Variants in ZNG1C observed in about 807,000 individuals in gnomAD.
ZNG1C encodes zinc-regulated GTPase metalloprotein activator 1C.
At chr9:68,296,357 G>T in the ZNG1C span, among the ~76,000 whole-genome samples, 1 of 151,874 alleles carries the variant, frequency 6.6e-6, no homozygotes, top group Non-Finnish European at 1.5e-5. Flanking sequence ...GACAAAAATT[G>T]GGTGCAGTGT....
chr9:68,275,993 A>T, the ZNG1C span, among the ~76,000 whole-genome samples: 2 of 151,796 alleles, frequency 1.3e-5, no homozygotes, highest in Non-Finnish European at 2.9e-5. Context: ...AATGATTGCC[A>T]TTCTAACTGG....
chr9:68,266,668 A>T, the ZNG1C span, among the ~76,000 whole-genome samples: 2 of 145,370 alleles, frequency 1.4e-5, no homozygotes, highest in Non-Finnish European at 3.0e-5. Flanking sequence ...GTCTTTACTC[A>T]TAATGTATTC....
At chr9:68,247,474 C>G in the ZNG1C span, 1 of 1,565,130 alleles carries the variant, frequency 6.4e-7, no homozygotes, top group Non-Finnish European at 8.7e-7. Flanking sequence ...GGTATCAAGG[C>G]TGCATGAATA....
chr9:68,252,476 G>T, the ZNG1C span, among the ~76,000 whole-genome samples: 1 of 91,198 alleles, frequency 1.1e-5, no homozygotes, highest in Non-Finnish European at 2.2e-5. Context: ...CAGATCACGA[G>T]TTCAGGAGTT....
At chr9:68,275,645 G>T in the ZNG1C span, among the ~76,000 whole-genome samples, 2 of 117,078 alleles carry the variant, frequency 1.7e-5, no homozygotes, top group African/African-American at 3.2e-5. Context: ...TCCCTACAAA[G>T]GACATGAACT....
At chr9:68,284,189 C>CA in the ZNG1C span, among the ~76,000 whole-genome samples, 6 of 150,426 alleles carry the variant, frequency 4.0e-5, no homozygotes, top group Non-Finnish European at 7.4e-5. Flanking sequence ...CTCCTGGCCT[C>CA]AAGTGATTCT....
the ZNG1C span, among the ~76,000 whole-genome samples, chr9:68,276,473 AT>A: frequency 7.7e-6 from 1 of 130,568 alleles, no homozygotes; most frequent in African/African-American, 2.9e-5. Flanking sequence ...TCTTGAATTG[AT>A]TTTTGTATAA....
chr9:68,271,842 TG>T, the ZNG1C span, among the ~76,000 whole-genome samples: 1 of 151,226 alleles, frequency 6.6e-6, no homozygotes, highest in Admixed American at 6.7e-5. Context: ...GTAGATTCAA[TG>T]TGAGACTAAT....
the ZNG1C span, among the ~76,000 whole-genome samples, chr9:68,257,460 A>G: frequency 2.2e-5 from 1 of 44,834 alleles, no homozygotes; most frequent in Non-Finnish European, 5.2e-5. Flanking sequence ...CTTTGTTCAT[A>G]TAGATTAAAA....
At chr9:68,299,335 G>C in the ZNG1C span, 1 of 599,516 alleles carries the variant, frequency 1.7e-6, no homozygotes, top group Admixed American at 3.0e-5. Context: ...TACTGACCTG[G>C]AAAGTTAAAG....
the ZNG1C span, among the ~76,000 whole-genome samples, chr9:68,290,317 C>G: frequency 1.3e-4 from 14 of 108,020 alleles, no homozygotes; most frequent in Non-Finnish European, 2.5e-4. Context: ...GCTTGTAATC[C>G]TAGCGCTTTG....
the ZNG1C span, among the ~76,000 whole-genome samples, chr9:68,284,987 A>C: frequency 1.7e-3 from 256 of 150,606 alleles, no homozygotes; most frequent in African/African-American, 6.2e-3. Flanking sequence ...AAAGCATATG[A>C]TTTTTCGAAA....
the ZNG1C span, among the ~76,000 whole-genome samples, chr9:68,244,477 G>A: frequency 1.2e-5 from 1 of 86,076 alleles, no homozygotes; most frequent in Non-Finnish European, 2.3e-5. Flanking sequence ...GTTGTAGGAA[G>A]ATCTAGTTAT....
the ZNG1C span, among the ~76,000 whole-genome samples, chr9:68,291,362 T>C: frequency 2.0e-5 from 1 of 50,922 alleles, no homozygotes; most frequent in African/African-American, 7.3e-5. Flanking sequence ...CGTCTCCCTC[T>C]CACCCCTGGT....
At chr9:68,299,324 G>A in the ZNG1C span, 1 of 612,860 alleles carries the variant, frequency 1.6e-6, no homozygotes, top group East Asian at 2.7e-5. Flanking sequence ...TGACTTTGAT[G>A]TACTGACCTG....
chr9:68,249,170 A>G, the ZNG1C span: 1 of 489,386 alleles, frequency 2.0e-6, no homozygotes, highest in Non-Finnish European at 3.7e-6. Flanking sequence ...GTTGTTAAAA[A>G]TAAGGACATG....
At chr9:68,299,237 T>G in the ZNG1C span, 3 of 1,565,814 alleles carry the variant, frequency 1.9e-6, no homozygotes, top group Admixed American at 1.9e-5. Flanking sequence ...CTTTGTCACA[T>G]TACAACGTTC....
At chr9:68,275,981 T>A in the ZNG1C span, among the ~76,000 whole-genome samples, 1 of 151,456 alleles carries the variant, frequency 6.6e-6, no homozygotes, top group African/African-American at 2.4e-5. Flanking sequence ...TCCTGACTTT[T>A]TAATGATTGC....
chr9:68,265,114 G>A, the ZNG1C span, among the ~76,000 whole-genome samples: 9 of 140,644 alleles, frequency 6.4e-5, no homozygotes, highest in Non-Finnish European at 9.3e-5. Flanking sequence ...CTGGTCTCGA[G>A]CTCCTGACCT....
Sources: allele counts gnomAD v4.1 joint callset (sites outside exome capture counted in the v4.1 genomes callset), GRCh38; gene constraint gnomAD v4.1.1; transcripts MANE v1.5; gene names NCBI Gene and HGNC (gene_info 2026-07-23, HGNC 2026-07-21).